Variants in DEPDC1 observed in about 807,000 individuals in gnomAD.
DEPDC1 encodes DEP domain containing 1.
Under a neutral mutation model 86.8 loss-of-function variants are expected in DEPDC1, and 66 were observed. That is an observed-to-expected ratio of 0.76 (90% CI 0.62 to 0.93). The LOEUF (loss-of-function observed/expected upper bound fraction) is 0.93. DEPDC1 is among the 40% of genes least tolerant of loss of function. DEPDC1 has a pLI of 0.00. For missense variants in DEPDC1, 792 were observed against 935.7 expected (o/e 0.85, Z 2.00); for synonymous variants, 255 against 314.9 (o/e 0.81, Z 2.02).
chr1:68,496,175 G>A lies in DEPDC1; in HGVS notation c.48+777C>T, dbSNP rs960014544. On this transcript the variant is annotated intron_variant, in intron 1 of 11. Coordinates refer to ENST00000456315, the MANE Select transcript of DEPDC1 (RefSeq NM_001114120.3). This position sits in a 1 kb window ranked among gnomAD's most constrained non-coding sequence, Gnocchi z 4.0. ...ATGCTCGTCTGAAGGGCATTCCTAA[G>A]AGGAAAATGCTTGTTATTCTGCAGA... 6.6e-5 allele frequency among the ~76,000 whole-genome samples: 10 copies of A among 152,174 alleles called. No individual in the cohort carries two copies. The highest frequency in any genetic ancestry group is 2.4e-4 in the African/African-American group (10 of 41,444).
At chr1:68,480,348 G>A (rs916334778) in intron 9 of DEPDC1, among the ~76,000 whole-genome samples, 2 of 151,522 alleles carry the variant, frequency 1.3e-5, no homozygotes, top group African/African-American at 2.4e-5. Flanking sequence ...TAGATGATCA[G>A]AATATTTATA....
In DEPDC1 at chr1:68,474,840, T is replaced by G. The variant is rs1007706436; in HGVS notation, c.*2092A>C. The G allele has an allele frequency of 2.0e-5, 3 of 152,032 alleles. No homozygotes were observed. The highest frequency in any genetic ancestry group is 4.4e-5 in the Non-Finnish European group (3 of 67,936). 9.4% of individuals were successfully genotyped at this position (152,032 alleles called of 1,614,324 possible). A position where few individuals can be genotyped will look rare whatever the true frequency, so the allele number is the denominator to read the frequency against. On this transcript the variant is annotated 3_prime_UTR_variant, in exon 12 of 12. Transcript: ENST00000456315. ...AAAAAATTTCAACCAGTAGGCATAA[T>G]CAGAACCTTTGTCTCATAATGAAAA... is the stretch of plus-strand genomic sequence containing the variant.
At chr1:68,479,068 TGA>T in intron 10 of DEPDC1, 74 bp downstream of exon 10, 5 of 1,313,120 alleles carry the variant, frequency 3.8e-6, no homozygotes, top group Admixed American at 2.3e-5. Flanking sequence ...TCTCCCTTTT[TGA>T]TTAAGCTATT....
In DEPDC1 at chr1:68,476,706, A is replaced by C. The variant is rs1646117275; in HGVS notation, c.*226T>G. The C allele has an allele frequency of 1.6e-5, 6 of 370,528 alleles. No homozygotes were observed. Among genetic ancestry groups the C allele is most frequent in the Non-Finnish European group, 2.9e-5 (6 of 207,460 alleles). The allele number at this position is 370,528 out of a possible 1,614,324, so 23.0% of individuals were successfully genotyped here. A position where few individuals can be genotyped will look rare whatever the true frequency, so the allele number is the denominator to read the frequency against. ...GATAGCCTTACTGGATAGCTGTGTTAAAAACAAAAAGTATTTGGTATCATC... is the reference window on the plus strand; with the variant it reads ...GATAGCCTTACTGGATAGCTGTGTTCAAAACAAAAAGTATTTGGTATCATC... On this transcript the variant is annotated 3_prime_UTR_variant, in exon 12 of 12. Transcript: ENST00000456315.
rs890524001 is a variant in DEPDC1, at chr1:68,474,828, C to A, written c.*2104G>T. The A allele has an allele frequency of 1.3e-5, 2 of 151,966 alleles. No homozygotes were observed. Among genetic ancestry groups the A allele is most frequent in the Non-Finnish European group, 1.5e-5 (1 of 67,912 alleles). 9.4% of individuals were successfully genotyped at this position (151,966 alleles called of 1,614,324 possible). A position where few individuals can be genotyped will look rare whatever the true frequency, so the allele number is the denominator to read the frequency against. On this transcript the variant is annotated 3_prime_UTR_variant, in exon 12 of 12. Coordinates refer to ENST00000456315, the MANE Select transcript of DEPDC1 (RefSeq NM_001114120.3). ...CTTGACTAGATTAAAAAATTTCAAC[C>A]AGTAGGCATAATCAGAACCTTTGTC...
intron 8 of DEPDC1, 35 bp from the exon 9 acceptor site, chr1:68,481,647 A>G (rs775929453): frequency 2.6e-6 from 4 of 1,525,758 alleles, no homozygotes; most frequent in Admixed American, 4.1e-5. Flanking sequence ...AAAATCATCA[A>G]TGACACTAGT....
At chr1:68,480,357 T>C (rs1325600076) in intron 9 of DEPDC1, among the ~76,000 whole-genome samples, 3 of 151,934 alleles carry the variant, frequency 2.0e-5, no homozygotes, top group Non-Finnish European at 2.9e-5. Context: ...AGAATATTTA[T>C]AGAATTGATA....
chr1:68,495,048 A>G (rs896155190), intron 1 of DEPDC1, among the ~76,000 whole-genome samples: 1 of 152,160 alleles, frequency 6.6e-6, no homozygotes, highest in African/African-American at 2.4e-5. Context: ...AGGCTGAGTC[A>G]GGAGAATCAC....
chr1:68,480,213 C>T (rs942759385), intron 9 of DEPDC1, among the ~76,000 whole-genome samples: 9 of 148,360 alleles, frequency 6.1e-5, no homozygotes, highest in African/African-American at 1.8e-4. Context: ...TTATTACTCT[C>T]GTTACTTTCA....
chr1:68,495,637 G>C (rs997925804), intron 1 of DEPDC1, among the ~76,000 whole-genome samples: 2 of 152,128 alleles, frequency 1.3e-5, no homozygotes, highest in African/African-American at 4.8e-5. Flanking sequence ...ATTACAGAAC[G>C]GCTTTCCTGA....
Position 68,482,356 on chromosome 1 carries a change from C to T in DEPDC1, c.1452G>A (p.Lys484=). The T allele has an allele frequency of 6.2e-7, 1 of 1,612,898 alleles. No homozygotes were observed. The highest frequency in any genetic ancestry group is 8.5e-7 in the Non-Finnish European group (1 of 1,179,314). ...CTTGAACAGTCAAAGTAGAGGTTCTCTTAAAACCAGCACTGAATGGCTTTT... is the reference window on the plus strand; with the variant it reads ...CTTGAACAGTCAAAGTAGAGGTTCTTTTAAAACCAGCACTGAATGGCTTTT... ...NIQKPFSAGF[K]RTSTLTVQDQ... Residue 484 remains lysine (K), a synonymous_variant, in exon 8 of 12, where the codon AAG becomes AAA. Transcript: ENST00000456315.
At chr1:68,494,293 G>A in intron 2 of DEPDC1, 137 bp downstream of exon 2, 2 of 802,000 alleles carry the variant, frequency 2.5e-6, no homozygotes, top group Admixed American at 6.5e-5. Flanking sequence ...AATGATTTTA[G>A]TTGAACTAAC....
At chr1:68,495,480 T>C (rs1646258778) in intron 1 of DEPDC1, among the ~76,000 whole-genome samples, 1 of 152,222 alleles carries the variant, frequency 6.6e-6, no homozygotes, top group Non-Finnish European at 1.5e-5. Context: ...ATTAATAAAA[T>C]GACCAAGGTC....
chr1:68,485,935 A>G (rs1646189649), intron 6 of DEPDC1, among the ~76,000 whole-genome samples: 1 of 152,132 alleles, frequency 6.6e-6, no homozygotes, highest in South Asian at 2.1e-4. Context: ...ACTTGTAACT[A>G]TTAAAACATA....
intron 8 of DEPDC1, 23 bp from the exon 9 acceptor site, chr1:68,481,635 C>A (rs74704835): frequency 1.8e-5 from 28 of 1,540,672 alleles, no homozygotes; most frequent in South Asian, 6.1e-5. Context: ...AATACCCCCC[C>A]AAAAATCATC....
At chr1:68,483,869 C>A in intron 7 of DEPDC1, 81 bp downstream of exon 7, 1 of 924,674 alleles carries the variant, frequency 1.1e-6, no homozygotes, top group Non-Finnish European at 1.5e-6. Flanking sequence ...TTATATTTAC[C>A]TATGGTTTTA....
intron 6 of DEPDC1, among the ~76,000 whole-genome samples, chr1:68,484,923 T>C (rs2100257260): frequency 6.9e-6 from 1 of 145,434 alleles, no homozygotes; most frequent in Non-Finnish European, 1.5e-5. Flanking sequence ...TTCACTATAG[T>C]AATCTTCTGG....
Position 68,481,452 on chromosome 1 carries a change from A to G in DEPDC1, c.1923T>C (p.Gly641=). Residue 641 remains glycine (G), a synonymous_variant, in exon 9 of 12, where the codon GGT becomes GGC. Coordinates refer to ENST00000456315, the MANE Select transcript of DEPDC1 (RefSeq NM_001114120.3). ...VDMPKLHDAM[G]TRSLMIHTFS... ...GAAATCAACTTACCAGTGACCTCGT[A>G]CCCATTGCATCATGAAGTTTGGGCA... 1 of 1,612,010 alleles carries G rather than the reference A, an allele frequency of 6.2e-7. No individual in the cohort carries two copies.
In DEPDC1 at chr1:68,484,084, C is replaced by G; in HGVS notation, c.776G>C (p.Arg259Thr). The change falls in exon 7 of 12, where the codon AGA becomes ACA. Residue 259 changes from arginine (R) to threonine (T), a missense_variant. Arg to Thr is a moderately conservative substitution (Grantham distance 71). Coordinates refer to ENST00000456315, the MANE Select transcript of DEPDC1 (RefSeq NM_001114120.3). Reference sequence around the variant, plus strand: ...AGTTGGATTATTCATATCATTGCTTCTTGGCCCTAAGAAGTAGAAGGCAAG... The same window carrying G: ...AGTTGGATTATTCATATCATTGCTTGTTGGCCCTAAGAAGTAGAAGGCAAG... ...SAMKCLANWP[R>T]SNDMNNPTYV... 6.4e-7 allele frequency: 1 copy of G among 1,558,264 alleles called. No individual in the cohort carries two copies. The highest frequency in any genetic ancestry group is 1.4e-5 in the African/African-American group (1 of 71,348).
Sources: gnomAD v4.1 joint callset for allele counts (sites outside exome capture counted in the v4.1 genomes callset) on GRCh38, gnomAD v4.1.1 for gene constraint, Gnocchi (gnomAD v3.1) non-coding constraint, MANE v1.5 for transcripts, NCBI Gene and HGNC (gene_info 2026-07-23, HGNC 2026-07-21) for gene names.